The following PCDH15 variants were observed in gnomAD, a reference collection of about 807,000 sequenced individuals.
PCDH15 encodes the protein protocadherin related 15, also known as protocadherin-15.
A neutral mutation model predicts 178.5 loss-of-function variants in PCDH15; 129 were observed. That is an observed-to-expected ratio of 0.72 (90% CI 0.63 to 0.84). The LOEUF is 0.84. PCDH15 is among the 40% of genes least tolerant of loss of function. The probability of loss-of-function intolerance (pLI) is 0.00; values close to 1 mark genes in which losing one functional copy is unlikely to be tolerated. For synonymous variants in PCDH15, 800 were observed against 732.0 expected, an observed-to-expected ratio of 1.09 and a Z score of -1.50; for missense variants, 2,230 against 2,099.9, an observed-to-expected ratio of 1.06 and a Z score of -1.21.
intron 2 of PCDH15, among the ~76,000 whole-genome samples, chr10:55,457,824 A>G (rs529262218): frequency 6.6e-6 from 1 of 152,024 alleles, no homozygotes; most frequent in East Asian, 1.9e-4. Context: ...CAAAGTTAAA[A>G]TTGTATTTGC....
At chr10:55,496,304 G>T (rs1013350539) in intron 2 of PCDH15, among the ~76,000 whole-genome samples, 3 of 151,712 alleles carry the variant, frequency 2.0e-5, no homozygotes, top group Non-Finnish European at 4.4e-5. Flanking sequence ...ATGCGTGTGC[G>T]TGCGCGTGCA....
chr10:54,244,117 C>T (rs1249696192), intron 8 of PCDH15, among the ~76,000 whole-genome samples: 1 of 152,128 alleles, frequency 6.6e-6, no homozygotes, highest in Non-Finnish European at 1.5e-5. Context: ...ACTTAGCTAA[C>T]AGAAAATACC....
At chr10:54,421,943 A>ACAC in intron 3 of PCDH15, among the ~76,000 whole-genome samples, 1 of 112,190 alleles carries the variant, frequency 8.9e-6, no homozygotes, top group East Asian at 2.0e-4. Flanking sequence ...ATATATATAT[A>ACAC]TAAAAATATA....
chr10:54,602,000 G>A (rs2092559385), intron 2 of PCDH15, among the ~76,000 whole-genome samples: 1 of 151,842 alleles, frequency 6.6e-6, no homozygotes, highest in African/African-American at 2.4e-5. Context: ...GAGGGTAAGA[G>A]GGAGAGGATC....
intron 2 of PCDH15, among the ~76,000 whole-genome samples, chr10:55,520,326 G>GTATATATATA (rs200235654): frequency 2.2e-5 from 1 of 44,568 alleles, no homozygotes; most frequent in African/African-American, 7.6e-5. Flanking sequence ...CATGCAATGT[G>GTATATATATA]TATATATATA....
chr10:55,467,730 T>G (rs889104055), intron 2 of PCDH15, among the ~76,000 whole-genome samples: 3 of 149,022 alleles, frequency 2.0e-5, no homozygotes, highest in African/African-American at 5.0e-5. Flanking sequence ...CATTGGGAGG[T>G]CAAGGCAGGC....
At chr10:54,981,820 G>A (rs543431535) in intron 2 of PCDH15, among the ~76,000 whole-genome samples, 1 of 152,108 alleles carries the variant, frequency 6.6e-6, no homozygotes, top group East Asian at 1.9e-4. Context: ...CTGCTGCCCA[G>A]GTTGCAGTGC....
At chr10:54,735,212 A>G (rs1302112317) in intron 1 of PCDH15, among the ~76,000 whole-genome samples, 1 of 152,066 alleles carries the variant, frequency 6.6e-6, no homozygotes, top group Admixed American at 6.6e-5. Flanking sequence ...ATATTTGTCC[A>G]TGAGGATTTT....
At chr10:54,886,270 C>T (rs570281410) in intron 3 of PCDH15, among the ~76,000 whole-genome samples, 6 of 152,158 alleles carry the variant, frequency 3.9e-5, no homozygotes, top group South Asian at 4.1e-4. Flanking sequence ...TTTTTAAAAA[C>T]GAATTTTCCA....
chr10:54,166,126 C>G (rs1367232510), intron 13 of PCDH15, among the ~76,000 whole-genome samples: 2 of 152,210 alleles, frequency 1.3e-5, no homozygotes, highest in Non-Finnish European at 2.9e-5. Context: ...CATGAAATTA[C>G]TATGCCTTTG....
chr10:54,368,214 AT>A (rs1306636262), intron 5 of PCDH15, among the ~76,000 whole-genome samples: 1 of 152,076 alleles, frequency 6.6e-6, no homozygotes, highest in East Asian at 1.9e-4. Context: ...ACTAAAAAAT[AT>A]TTTTAGTAAC....
chr10:55,584,459 C>A (rs1003488757), intron 2 of PCDH15, among the ~76,000 whole-genome samples: 1 of 151,628 alleles, frequency 6.6e-6, no homozygotes, highest in African/African-American at 2.4e-5. Flanking sequence ...GAGATCGAGA[C>A]CATCCTGGCC....
intron 2 of PCDH15, among the ~76,000 whole-genome samples, chr10:55,058,664 T>C (rs1242459651): frequency 6.6e-6 from 1 of 152,196 alleles, no homozygotes; most frequent in Non-Finnish European, 1.5e-5. Flanking sequence ...TGTATGTATA[T>C]ACATTTCAAA....
chr10:54,137,786 A>C (rs2133126235), intron 14 of PCDH15, among the ~76,000 whole-genome samples: 1 of 152,310 alleles, frequency 6.6e-6, no homozygotes, highest in Admixed American at 6.5e-5. Context: ...ATTGTTGTTC[A>C]GTGATTGGCT....
intron 26 of PCDH15, among the ~76,000 whole-genome samples, chr10:53,869,524 T>C (rs528308363): frequency 3.6e-4 from 55 of 152,316 alleles, no homozygotes; most frequent in African/African-American, 1.2e-3. Flanking sequence ...TGAAACAAAC[T>C]TTTTATTATT....
intron 18 of PCDH15, among the ~76,000 whole-genome samples, chr10:54,028,816 A>G (rs1204221252): frequency 8.1e-5 from 12 of 148,548 alleles, no homozygotes; most frequent in African/African-American, 2.2e-4. Flanking sequence ...GAGGGATAGC[A>G]TTGGGAGATA....
intron 2 of PCDH15, among the ~76,000 whole-genome samples, chr10:55,350,320 T>C (rs915795245): frequency 6.9e-6 from 1 of 145,894 alleles, no homozygotes; most frequent in African/African-American, 2.5e-5. Context: ...TACATATCAT[T>C]ATTTAAATGA....
intron 15 of PCDH15, among the ~76,000 whole-genome samples, chr10:54,117,757 A>T (rs2095140918): frequency 6.6e-6 from 1 of 152,104 alleles, no homozygotes; most frequent in Non-Finnish European, 1.5e-5. Context: ...TTCTGCAGGA[A>T]GGTCATCTCA....
chr10:54,802,807 C>T (rs1952706627), upstream of PCDH15, among the ~76,000 whole-genome samples: 1 of 152,082 alleles, frequency 6.6e-6, no homozygotes, highest in South Asian at 2.1e-4. Context: ...ACAATTCAGC[C>T]TCATTCGTGG....
Sources: allele counts gnomAD v4.1 joint callset (sites outside exome capture counted in the v4.1 genomes callset), GRCh38; gene constraint gnomAD v4.1.1; transcripts MANE v1.5; gene names NCBI Gene and HGNC (gene_info 2026-07-23, HGNC 2026-07-21).